EDIL3: variants seen among roughly 807,000 people sequenced by gnomAD.
EDIL3 encodes the protein EGF-like repeat and discoidin I-like domain-containing protein 3.
EDIL3 carries 37 observed loss-of-function variants against 67.4 expected under a neutral mutation model. The observed-to-expected ratio is 0.55, with a 90% confidence interval of 0.42 to 0.72. The LOEUF (loss-of-function observed/expected upper bound fraction) is 0.72. EDIL3 is among the 30% of genes least tolerant of loss of function. The probability of loss-of-function intolerance (pLI) is 0.00; values close to 1 mark genes in which losing one functional copy is unlikely to be tolerated. For synonymous variants in EDIL3, 195 were observed against 196.3 expected, an observed-to-expected ratio of 0.99 and a Z score of 0.05; for missense variants, 527 against 586.3, an observed-to-expected ratio of 0.90 and a Z score of 1.04.
Position 84,066,436 on chromosome 5 carries a change from T to C in EDIL3, c.807+15A>G, listed in dbSNP as rs1478139028. 6.3e-7 allele frequency: 1 copy of C among 1,578,858 alleles called. No individual in the cohort carries two copies. Among genetic ancestry groups the C allele is most frequent in the African/African-American group, 1.4e-5 (1 of 72,726 alleles). On this transcript the variant is annotated intron_variant, in intron 7 of 10. Coordinates refer to ENST00000296591, the MANE Select transcript of EDIL3 (RefSeq NM_005711.5). ...ACATTTTTCTTTTAAATTAAGTAGG[T>C]TAAATTATTCTTACCATGTCTTCAT...
intron 4 of EDIL3, among the ~76,000 whole-genome samples, chr5:84,166,065 CCT>C (rs1322939263): frequency 2.0e-5 from 3 of 152,040 alleles, no homozygotes; most frequent in African/African-American, 7.2e-5. Flanking sequence ...CACTGTCACT[CCT>C]CTGTCTTCCA....
chr5:84,080,298 CAAA>C (rs369961167), intron 6 of EDIL3, among the ~76,000 whole-genome samples: 2 of 54,278 alleles, frequency 3.7e-5, no homozygotes, highest in Non-Finnish European at 3.2e-5. Context: ...GACTCTGTCT[CAAA>C]AAAAAAAAAA....
At chr5:84,377,239 G>A (rs1177733786) in intron 1 of EDIL3, among the ~76,000 whole-genome samples, 1 of 151,816 alleles carries the variant, frequency 6.6e-6, no homozygotes, top group East Asian at 2.0e-4. Flanking sequence ...TGTGAACCCG[G>A]GAGGCGGAGC....
intron 5 of EDIL3, among the ~76,000 whole-genome samples, chr5:84,112,915 T>A (rs1747588524): frequency 6.6e-6 from 1 of 152,184 alleles, no homozygotes; most frequent in Admixed American, 6.5e-5. Flanking sequence ...TTTATTTGTA[T>A]ACTTCATTTT....
At chr5:84,262,851 A>C (rs1437177823) in intron 1 of EDIL3, among the ~76,000 whole-genome samples, 1 of 151,274 alleles carries the variant, frequency 6.6e-6, no homozygotes, top group Non-Finnish European at 1.5e-5. Flanking sequence ...TTTGTAGTTT[A>C]GTAGATATGG....
chr5:84,230,003 T>C, intron 2 of EDIL3, 119 bp from the exon 3 acceptor site: 2 of 897,998 alleles, frequency 2.2e-6, no homozygotes, highest in Middle Eastern at 2.3e-4. Flanking sequence ...TATTTCACAT[T>C]TCCAAACACT....
At chr5:84,225,567 G>A (rs547605201) in intron 3 of EDIL3, among the ~76,000 whole-genome samples, 41 of 151,558 alleles carry the variant, frequency 2.7e-4, no homozygotes, top group African/African-American at 8.9e-4. Context: ...ATATTATTTT[G>A]TAGCATTATA....
intron 9 of EDIL3, chr5:84,048,061 A>G (rs1049832176): frequency 3.1e-5 from 7 of 227,140 alleles, no homozygotes; most frequent in African/African-American, 1.6e-4. Context: ...GCACACTCCA[A>G]CATATGTCAA....
intron 1 of EDIL3, among the ~76,000 whole-genome samples, chr5:84,302,222 T>A (rs1230129241): frequency 6.6e-6 from 1 of 152,182 alleles, no homozygotes; most frequent in Non-Finnish European, 1.5e-5. Flanking sequence ...TTGCTTTTTT[T>A]TCTGCAGCTT....
At chr5:84,054,865 G>A (rs1367960956) in intron 9 of EDIL3, among the ~76,000 whole-genome samples, 13 of 146,682 alleles carry the variant, frequency 8.9e-5, no homozygotes, top group South Asian at 6.6e-4. Context: ...AATCAATATC[G>A]TGAAAATGGC....
chr5:84,329,845 A>G (rs1284892236), intron 1 of EDIL3, among the ~76,000 whole-genome samples: 1 of 152,142 alleles, frequency 6.6e-6, no homozygotes, highest in Non-Finnish European at 1.5e-5. Flanking sequence ...AATAAGAAGA[A>G]AGGTCTATTA....
At chr5:83,959,506 C>G (rs1744571225) in intron 10 of EDIL3, among the ~76,000 whole-genome samples, 1 of 151,008 alleles carries the variant, frequency 6.6e-6, no homozygotes, top group Non-Finnish European at 1.5e-5. Flanking sequence ...ATACATATTT[C>G]TGTTTGAAAA....
intron 3 of EDIL3, among the ~76,000 whole-genome samples, chr5:84,198,676 T>G (rs943804746): frequency 2.0e-5 from 3 of 152,136 alleles, no homozygotes; most frequent in Admixed American, 2.0e-4. Flanking sequence ...GGAAATACTG[T>G]GTTAAGAAAA....
chr5:84,199,453 G>T (rs1177965355), intron 3 of EDIL3, among the ~76,000 whole-genome samples: 2 of 151,868 alleles, frequency 1.3e-5, no homozygotes, highest in African/African-American at 4.8e-5. Flanking sequence ...CTCTTATACT[G>T]AGGTAGATGT....
At chr5:84,083,062 G>A (rs1383645789) in intron 6 of EDIL3, among the ~76,000 whole-genome samples, 1 of 152,088 alleles carries the variant, frequency 6.6e-6, no homozygotes, top group Non-Finnish European at 1.5e-5. Flanking sequence ...TCTATAGCAG[G>A]GATGAATTTT....
intron 9 of EDIL3, among the ~76,000 whole-genome samples, chr5:84,018,135 G>C (rs919369958): frequency 1.3e-5 from 2 of 152,120 alleles, no homozygotes; most frequent in Non-Finnish European, 2.9e-5. Flanking sequence ...CTTGTTCCGG[G>C]AACTCTTGTG....
intron 3 of EDIL3, among the ~76,000 whole-genome samples, chr5:84,190,569 G>GTT: frequency 1.6e-5 from 1 of 62,270 alleles, no homozygotes; most frequent in Admixed American, 1.4e-4. Flanking sequence ...GTGTGTGTGT[G>GTT]TGTGTGTGTG....
intron 10 of EDIL3, among the ~76,000 whole-genome samples, chr5:83,955,125 A>C (rs762038601): frequency 2.1e-4 from 32 of 151,870 alleles, no homozygotes; most frequent in Non-Finnish European, 4.1e-4. Context: ...TTCACTGAGA[A>C]ATATTGTCAT....
intron 1 of EDIL3, among the ~76,000 whole-genome samples, chr5:84,382,341 A>T (rs139914547): frequency 0.012 from 1,884 of 152,170 alleles, 34 homozygotes; most frequent in African/African-American, 0.042. Context: ...TCTTCAGGAG[A>T]CAGAGCTCCT....
Sources: allele counts gnomAD v4.1 joint callset (sites outside exome capture counted in the v4.1 genomes callset), GRCh38; gene constraint gnomAD v4.1.1; transcripts MANE v1.5; gene names NCBI Gene and HGNC (gene_info 2026-07-23, HGNC 2026-07-21).